MTFR1: variants seen among roughly 807,000 people sequenced by gnomAD.
MTFR1 encodes chondrocyte protein with a poly-proline region.
In MTFR1, 28 loss-of-function variants were observed where a neutral mutation model predicts 38.8. The ratio of observed to expected loss-of-function variants is 0.72; its 90% CI spans 0.53 to 0.99. MTFR1 has a LOEUF of 0.99. MTFR1 is among the 50% of genes least tolerant of loss of function. The pLI is 0.00. For synonymous variants in MTFR1, 145 were observed against 137.0 expected (o/e 1.06, Z -0.41); for missense variants, 358 against 395.5 (o/e 0.91, Z 0.81).
At chr8:65,701,883 A>G (rs751863743) in intron 4 of MTFR1, among the ~76,000 whole-genome samples, 24 of 152,200 alleles carry the variant, frequency 1.6e-4, no homozygotes, top group Non-Finnish European at 2.5e-4. Context: ...GACTCGGTGG[A>G]TCAGAGCAAG....
At chr8:65,697,571 AAGTT>A (rs1269524368) in intron 4 of MTFR1, among the ~76,000 whole-genome samples, 6 of 152,218 alleles carry the variant, frequency 3.9e-5, no homozygotes, top group Admixed American at 1.3e-4. Flanking sequence ...CTGTTAAAGA[AAGTT>A]AGTATATAAA....
chr8:65,681,674 T>G (rs1346884610), intron 2 of MTFR1, among the ~76,000 whole-genome samples: 1 of 150,116 alleles, frequency 6.7e-6, no homozygotes, highest in Non-Finnish European at 1.5e-5. Flanking sequence ...TGTTTTTGTT[T>G]TTTTTTTTTT....
intron 4 of MTFR1, among the ~76,000 whole-genome samples, chr8:65,697,184 C>T (rs1217666331): frequency 6.6e-6 from 1 of 151,896 alleles, no homozygotes; most frequent in Non-Finnish European, 1.5e-5. Flanking sequence ...GGAGTTTCAC[C>T]ATGTTGGCCA....
intron 1 of MTFR1, among the ~76,000 whole-genome samples, chr8:65,654,122 A>G (rs941649079): frequency 4.0e-5 from 6 of 151,658 alleles, no homozygotes; most frequent in African/African-American, 1.5e-4. Flanking sequence ...TATTGGGGGG[A>G]AAGAAAACAT....
At chr8:65,681,675 T>C (rs1023655347) in intron 2 of MTFR1, among the ~76,000 whole-genome samples, 1 of 151,178 alleles carries the variant, frequency 6.6e-6, no homozygotes, top group Non-Finnish European at 1.5e-5. Flanking sequence ...GTTTTTGTTT[T>C]TTTTTTTTTT....
intron 3 of MTFR1, among the ~76,000 whole-genome samples, chr8:65,760,244 CA>C (rs1808427334): frequency 6.6e-6 from 1 of 152,098 alleles, no homozygotes; most frequent in Admixed American, 6.6e-5. Flanking sequence ...CAAAACAAAA[CA>C]AAACAAAAAT....
intron 2 of MTFR1, among the ~76,000 whole-genome samples, chr8:65,681,640 A>G (rs1332534739): frequency 1.3e-5 from 2 of 151,494 alleles, no homozygotes; most frequent in African/African-American, 4.9e-5. Context: ...GATTTACCTA[A>G]CATTCAACAC....
intron 5 of MTFR1, 112 bp downstream of exon 5, chr8:65,705,041 G>A: frequency 1.1e-6 from 1 of 943,370 alleles, no homozygotes; most frequent in Non-Finnish European, 1.6e-6. Flanking sequence ...AAAACCAGGT[G>A]TCATCCAGGT....
chr8:65,692,219 T>A (rs1398188072), intron 3 of MTFR1, among the ~76,000 whole-genome samples: 2 of 152,272 alleles, frequency 1.3e-5, no homozygotes, highest in East Asian at 3.8e-4. Flanking sequence ...CTGATAACTT[T>A]ATTTAAAAAT....
chr8:65,708,093 C>T (rs538722985), intron 7 of MTFR1, 82 bp downstream of exon 7: 1 of 1,603,704 alleles, frequency 6.2e-7, no homozygotes, highest in African/African-American at 1.3e-5. Context: ...AAGTGATTCA[C>T]CTGTGTCATC....
At chr8:65,662,554 C>T (rs1175314425) in intron 1 of MTFR1, among the ~76,000 whole-genome samples, 2 of 143,148 alleles carry the variant, frequency 1.4e-5, no homozygotes, top group Non-Finnish European at 3.1e-5. Context: ...TCTGCCTGGC[C>T]GCCCATCGTC....
downstream of MTFR1, among the ~76,000 whole-genome samples, chr8:65,715,378 AGTTT>A (rs1459927524): frequency 6.7e-6 from 1 of 149,420 alleles, no homozygotes; most frequent in Admixed American, 6.6e-5. Flanking sequence ...TCTATAAAAA[AGTTT>A]TTTTTTTTTT....
intron 3 of MTFR1, among the ~76,000 whole-genome samples, chr8:65,760,794 G>C (rs1481027298): frequency 1.3e-5 from 2 of 152,150 alleles, no homozygotes; most frequent in African/African-American, 4.8e-5. Context: ...AAGGAAGGAG[G>C]GTAGTGCTGG....
In MTFR1 at chr8:65,655,969, C is replaced by CATATATATATATA; in HGVS notation, c.-81+11185_-81+11186insATATATATATATA. ...AAAAAAAAATATATATATATATATA[C>CATATATATATATA]CATATATATATATATGGTAGTGGGT... On this transcript the variant is annotated intron_variant, in intron 1 of 7. Transcript: ENST00000262146. Among the ~76,000 whole-genome samples the CATATATATATATA allele has an allele frequency of 3.4e-3, 192 of 56,470 alleles. 36 individuals carry two copies. Among genetic ancestry groups the CATATATATATATA allele is most frequent in the African/African-American group, 0.018 (181 of 9,844 alleles). The allele number at this position is 56,470 out of a possible 152,430, so 37.0% of individuals were successfully genotyped here. A position where few individuals can be genotyped will look rare whatever the true frequency, so the allele number is the denominator to read the frequency against.
At chr8:65,645,697 C>CTTT (rs1563428267) in intron 1 of MTFR1, among the ~76,000 whole-genome samples, 1 of 129,474 alleles carries the variant, frequency 7.7e-6, no homozygotes, top group Non-Finnish European at 1.6e-5. Flanking sequence ...GGCTTTCCCC[C>CTTT]CCCCCCCCCT....
rs1221202381 is a variant in MTFR1, at chr8:65,686,903, G to A, written c.165+4452G>A. ...CACACCACTGCACTCCAGCCTGGAC[G>A]ACAGAGCAAGACTCCATCTCCAAAA... On this transcript the variant is annotated intron_variant, in intron 3 of 7. Coordinates refer to ENST00000262146, the MANE Select transcript of MTFR1 (RefSeq NM_014637.4). Among the ~76,000 whole-genome samples the A allele has an allele frequency of 6.0e-5, 9 of 150,454 alleles. No homozygotes were observed. The East Asian group carries it at 1.2e-3, about 20-fold the overall frequency.
intron 2 of MTFR1, among the ~76,000 whole-genome samples, chr8:65,672,039 T>C (rs986187767): frequency 6.6e-5 from 10 of 152,244 alleles, no homozygotes; most frequent in African/African-American, 2.4e-4. Flanking sequence ...GCACGCTTTA[T>C]TTAGCTTGTT....
intron 3 of MTFR1, among the ~76,000 whole-genome samples, chr8:65,751,100 T>C (rs943887946): frequency 6.6e-6 from 1 of 152,190 alleles, no homozygotes; most frequent in African/African-American, 2.4e-5. Flanking sequence ...TGGAAGATCA[T>C]TCAAGGAAAA....
At chr8:65,724,217 A>G (rs745760666) in intron 3 of MTFR1, 1 of 1,295,790 alleles carries the variant, frequency 7.7e-7, no homozygotes, top group Non-Finnish European at 1.1e-6. Flanking sequence ...AAAAAAATGA[A>G]CTGGATAGAT....
Sources: gnomAD v4.1 joint callset for allele counts (sites outside exome capture counted in the v4.1 genomes callset) on GRCh38, gnomAD v4.1.1 for gene constraint, MANE v1.5 for transcripts, NCBI Gene and HGNC (gene_info 2026-07-23, HGNC 2026-07-21) for gene names.